The following CFAP58 variants were observed in gnomAD, a reference collection of about 807,000 sequenced individuals.
CFAP58 encodes cilia- and flagella-associated protein 58.
Under a neutral mutation model 119.5 loss-of-function variants are expected in CFAP58, and 88 were observed. The ratio of observed to expected loss-of-function variants is 0.74; its 90% CI spans 0.62 to 0.88. CFAP58 has a LOEUF of 0.88. Ranked by LOEUF, CFAP58 falls within the 40% of genes least tolerant of loss-of-function variation. The probability of loss-of-function intolerance (pLI) is 0.00; values close to 1 mark genes in which losing one functional copy is unlikely to be tolerated. For synonymous variants in CFAP58, 365 were observed against 366.3 expected, an observed-to-expected ratio of 1.00 and a Z score of 0.04; for missense variants, 990 against 1,021.2, an observed-to-expected ratio of 0.97 and a Z score of 0.42.
intron 15 of CFAP58, among the ~76,000 whole-genome samples, chr10:104,413,756 G>T (rs981767750): frequency 6.9e-6 from 1 of 144,314 alleles, no homozygotes; most frequent in Non-Finnish European, 1.5e-5. Flanking sequence ...CATCAAGATG[G>T]CATTTCTAAT....
chr10:104,382,277 G>A (rs777450957), intron 9 of CFAP58: 23 of 700,240 alleles, frequency 3.3e-5, no homozygotes, highest in African/African-American at 8.8e-5. Context: ...GGGCTGTGCC[G>A]GACATCCTGG....
chr10:104,359,923 T>C (rs2014643895), intron 2 of CFAP58, among the ~76,000 whole-genome samples: 1 of 152,270 alleles, frequency 6.6e-6, no homozygotes, highest in South Asian at 2.1e-4. Context: ...GTAATCATTT[T>C]TTAATGTAAA....
At chr10:104,451,463 A>G (rs1016013150) in intron 17 of CFAP58, among the ~76,000 whole-genome samples, 2 of 152,198 alleles carry the variant, frequency 1.3e-5, no homozygotes, top group African/African-American at 2.4e-5. Flanking sequence ...TTTATTAAAC[A>G]TACAGGTTCC....
At chr10:104,363,843 T>C (rs1469639995) in intron 3 of CFAP58, among the ~76,000 whole-genome samples, 1 of 152,360 alleles carries the variant, frequency 6.6e-6, no homozygotes, top group East Asian at 1.9e-4. Context: ...GAGTCTGCAG[T>C]GCAAGTTCTC....
chr10:104,389,857 A>G (rs991599218), intron 9 of CFAP58, among the ~76,000 whole-genome samples: 1 of 152,202 alleles, frequency 6.6e-6, no homozygotes, highest in Non-Finnish European at 1.5e-5. Flanking sequence ...AGAACTAAAA[A>G]GAAAGATATA....
chr10:104,451,436 C>T (rs181543767), intron 17 of CFAP58, among the ~76,000 whole-genome samples: 63 of 151,848 alleles, frequency 4.1e-4, no homozygotes, highest in Admixed American at 3.3e-3. Flanking sequence ...CTGTCTGGTT[C>T]GGAATCACTA....
intron 5 of CFAP58, among the ~76,000 whole-genome samples, chr10:104,366,970 C>T (rs530299689): frequency 2.0e-5 from 3 of 152,018 alleles, no homozygotes; most frequent in Admixed American, 6.6e-5. Flanking sequence ...TGGGTTGAAG[C>T]GATTCTCCTG....
At position 104,368,340 on chromosome 10, in the gene CFAP58, A is replaced by G. The variant is rs542296252; in HGVS notation, c.793-83A>G. ...TCAGGGTTGCTGTTATCTTCCCAGG[A>G]GGTTTGTGGGGCCCCCTGTGTGTAT... On this transcript the variant is annotated intron_variant, in intron 5 of 17. Transcript: ENST00000369704. 15 of 1,312,538 alleles carry G rather than the reference A, an allele frequency of 1.1e-5. No homozygotes were observed. The African/African-American group carries it at 1.8e-4, about 15-fold the overall frequency. 81.3% of individuals were successfully genotyped at this position (1,312,538 alleles called of 1,614,324 possible). A position where few individuals can be genotyped will look rare whatever the true frequency, so the allele number is the denominator to read the frequency against.
Position 104,364,737 on chromosome 10 carries a change from C to T in CFAP58, c.445C>T (p.Arg149Ter), listed in dbSNP as rs541682861. The part of the protein sequence containing the change: ...GLSMDQHSNI[R>*]DLLRFKEEVT... ...TCCTGTGTTCTTCCTTTTTAGCATC[C>T]GAGATTTACTGAGGTTCAAAGAAGA... Residue 149 changes from arginine (R) to a stop codon, truncating the protein, a stop_gained, in exon 4 of 18, where the codon CGA (arginine) becomes TGA (stop). Transcript: ENST00000369704. LOFTEE classifies it high-confidence loss of function. 10 of 1,612,192 alleles carry T rather than the reference C, an allele frequency of 6.2e-6. No homozygotes were observed. Among genetic ancestry groups the T allele is most frequent in the Middle Eastern group, 1.7e-4 (1 of 6,054 alleles).
rs553285531 is a variant in CFAP58 at position 104,368,549 on chromosome 10, T to C, written c.919T>C (p.Leu307=). The C allele has an allele frequency of 5.0e-6, 8 of 1,613,914 alleles. No individual in the cohort carries two copies. Among genetic ancestry groups the C allele is most frequent in the Non-Finnish European group, 5.1e-6 (6 of 1,179,854 alleles). The change falls in exon 6 of 18, where the codon TTG becomes CTG. Residue 307 remains leucine (L), a synonymous_variant. Coordinates refer to ENST00000369704, the MANE Select transcript of CFAP58 (RefSeq NM_001008723.2). ...QLSQENQQKA[L]ELKAKEEEVH... Reference sequence around the variant, plus strand: ...ATCCCAGGAAAACCAACAGAAGGCGTTGGAGCTCAAAGTAAACACCAAGTT... The same window carrying C: ...ATCCCAGGAAAACCAACAGAAGGCGCTGGAGCTCAAAGTAAACACCAAGTT...
the CFAP58 span, among the ~76,000 whole-genome samples, chr10:104,339,040 C>T: frequency 6.6e-6 from 1 of 152,014 alleles, no homozygotes; most frequent in South Asian, 2.1e-4. Flanking sequence ...TCCCGAGTAG[C>T]TGGGATTACA....
the CFAP58 span, among the ~76,000 whole-genome samples, chr10:104,345,311 T>TGC: frequency 6.6e-6 from 1 of 152,134 alleles, no homozygotes; most frequent in African/African-American, 2.4e-5. Flanking sequence ...CTTTGGTATT[T>TGC]ACATTGAGGA....
chr10:104,406,668 ATTG>A lies in CFAP58; in HGVS notation c.2152-15_2152-13del. The A allele has an allele frequency of 1.3e-6, 2 of 1,599,678 alleles. No individual in the cohort carries two copies. The highest frequency in any genetic ancestry group is 1.7e-6 in the Non-Finnish European group (2 of 1,167,520). On this transcript the variant is annotated intron_variant, in intron 14 of 17. Coordinates refer to ENST00000369704, the MANE Select transcript of CFAP58 (RefSeq NM_001008723.2). Reference sequence around the variant, plus strand: ...TGAAGCTGATGATATCTCAGCTGCTATTGTTGTTCCCCTTGGACAGGCCAGCGA... The same window carrying A: ...TGAAGCTGATGATATCTCAGCTGCTATTGTTCCCCTTGGACAGGCCAGCGA...
chr10:104,379,349 T>A (rs910274267), intron 8 of CFAP58, among the ~76,000 whole-genome samples: 1 of 152,252 alleles, frequency 6.6e-6, no homozygotes, highest in Non-Finnish European at 1.5e-5. Flanking sequence ...GTACTTCATT[T>A]CTTTTTACGG....
intron 13 of CFAP58, among the ~76,000 whole-genome samples, chr10:104,401,809 C>T (rs770865367): frequency 1.5e-4 from 23 of 150,476 alleles, no homozygotes; most frequent in Non-Finnish European, 3.1e-4. Context: ...GAAAGCAGTA[C>T]AAATTCATTG....
Position 104,400,727 on chromosome 10 carries a change from T to A in CFAP58, c.1863T>A (p.Asn621Lys). Residue 621 changes from asparagine to lysine, a missense_variant, in exon 13 of 18, where the codon AAT becomes AAA. By Grantham distance (94) the Asn-to-Lys change is moderately conservative. Transcript: ENST00000369704. ...DILGSQLVRRNDELALLYEKI... is the reference protein window; with the variant it reads ...DILGSQLVRRKDELALLYEKI... ...TGGGGTCTCAGCTTGTTCGGCGCAA[T>A]GATGAGTTAGCTTTGCTCTATGAGA... The A allele has an allele frequency of 6.2e-7, 1 of 1,614,104 alleles. No homozygotes were observed. Among genetic ancestry groups the A allele is most frequent in the Non-Finnish European group, 8.5e-7 (1 of 1,180,020 alleles).
chr10:104,357,993 ATG>A lies in CFAP58; in HGVS notation c.10-346_10-345del, dbSNP rs1409087055. Reference sequence around the variant, plus strand: ...CACATATGTACATATGTACACATATATGTACACATATATACACATATATGTAC... The same window carrying A: ...CACATATGTACATATGTACACATATATACACATATATACACATATATGTAC... On this transcript the variant is annotated intron_variant, in intron 1 of 17. Coordinates refer to ENST00000369704, the MANE Select transcript of CFAP58 (RefSeq NM_001008723.2). Among the ~76,000 whole-genome samples the A allele has an allele frequency of 3.1e-4, 44 of 143,602 alleles. 1 individual carries two copies. The highest frequency in any genetic ancestry group is 2.0e-3 in the Admixed American group (29 of 14,482). 94.2% of individuals were successfully genotyped at this position (143,602 alleles called of 152,430 possible).
At chr10:104,351,531 A>G (rs2014459526), upstream of CFAP58, 1 of 152,222 alleles carries the variant, frequency 6.6e-6, no homozygotes, top group African/African-American at 2.4e-5. Context: ...AGCTCAGAAC[A>G]TACTCATGTC....
Position 104,403,735 on chromosome 10 carries a change from G to GT in CFAP58, c.2052dup (p.His685SerfsTer41), listed in dbSNP as rs775625613. 1.9e-6 allele frequency: 3 copies of GT among 1,608,216 alleles called. No individual in the cohort carries two copies. The highest frequency in any genetic ancestry group is 1.7e-6 in the Non-Finnish European group (2 of 1,177,210). On this transcript the variant is annotated frameshift_variant, in exon 14 of 18. Transcript: ENST00000369704. LOFTEE classifies it high-confidence loss of function. ...TCAAGTTTGTCTTATTCAGACAGGA[G>GT]TTTTTTCACATGCAAAGAGAATTGT...
Sources: gnomAD v4.1 joint callset for allele counts (sites outside exome capture counted in the v4.1 genomes callset) on GRCh38, gnomAD v4.1.1 for gene constraint, MANE v1.5 for transcripts, NCBI Gene and HGNC (gene_info 2026-07-23, HGNC 2026-07-21) for gene names.